The following CDK17 variants were observed in gnomAD, a reference collection of about 807,000 sequenced individuals.
The protein encoded by CDK17 is cyclin dependent kinase 17, also known as cyclin-dependent kinase 17.
In CDK17, 24 loss-of-function variants were observed where a neutral mutation model predicts 77.6. The observed-to-expected ratio is 0.31, with a 90% confidence interval of 0.22 to 0.44. The LOEUF (loss-of-function observed/expected upper bound fraction) is 0.44, where lower values mean the gene tolerates loss of function less well. CDK17 is among the 20% of genes least tolerant of loss of function. The pLI is 1.00. For missense variants in CDK17, 429 were observed against 622.5 expected, an observed-to-expected ratio of 0.69 and a Z score of 3.31; for synonymous variants, 203 against 210.4, an observed-to-expected ratio of 0.96 and a Z score of 0.30.
intron 5 of CDK17, 100 bp from the exon 6 acceptor site, chr12:96,300,460 A>C: frequency 1.5e-6 from 1 of 684,896 alleles, no homozygotes; most frequent in South Asian, 1.8e-5. Context: ...GCAGCGGCAC[A>C]ATCTTGGCTT....
intron 5 of CDK17, among the ~76,000 whole-genome samples, chr12:96,302,234 T>C: frequency 6.6e-6 from 1 of 152,138 alleles, no homozygotes; most frequent in South Asian, 2.1e-4. Flanking sequence ...ACAAGTGAAG[T>C]TTTTAAAATC....
At chr12:96,289,398 G>C in intron 10 of CDK17, 111 bp from the exon 11 acceptor site, 1 of 1,102,004 alleles carries the variant, frequency 9.1e-7, no homozygotes, top group South Asian at 1.4e-5. Flanking sequence ...TTAATTCGTA[G>C]CTTCTTGAGG....
chr12:96,372,883 T>C (rs534359347), intron 1 of CDK17, among the ~76,000 whole-genome samples: 40 of 152,312 alleles, frequency 2.6e-4, no homozygotes, highest in Non-Finnish European at 4.6e-4. Flanking sequence ...ACAGTAATAT[T>C]TGAATTAACC....
chr12:96,391,575 G>A (rs1397267703), intron 1 of CDK17, among the ~76,000 whole-genome samples: 1 of 152,208 alleles, frequency 6.6e-6, no homozygotes, highest in Admixed American at 6.5e-5. Context: ...ACAGGCGTGA[G>A]CCACCGCGGC....
chr12:96,334,448 T>C (rs1202595267), intron 2 of CDK17, among the ~76,000 whole-genome samples: 1 of 152,164 alleles, frequency 6.6e-6, no homozygotes, highest in African/African-American at 2.4e-5. Flanking sequence ...AATGCATTCT[T>C]CTTTAAGAAC....
At chr12:96,335,963 G>C (rs1018418051) in intron 1 of CDK17, among the ~76,000 whole-genome samples, 6 of 152,068 alleles carry the variant, frequency 3.9e-5, no homozygotes, top group Non-Finnish European at 7.4e-5. Context: ...TTACCATCCA[G>C]CTCCAGATAT....
intron 1 of CDK17, among the ~76,000 whole-genome samples, chr12:96,343,445 G>T (rs1490367954): frequency 6.6e-6 from 1 of 152,306 alleles, no homozygotes; most frequent in African/African-American, 2.4e-5. Context: ...TGAATATTTT[G>T]GTCAGTTTGG....
At chr12:96,384,606 A>C (rs1953940938) in intron 1 of CDK17, among the ~76,000 whole-genome samples, 1 of 152,226 alleles carries the variant, frequency 6.6e-6, no homozygotes, top group South Asian at 2.1e-4. Flanking sequence ...TGTTCTTTGC[A>C]GCAACATGGA....
intron 12 of CDK17, 21 bp downstream of exon 12, chr12:96,286,643 G>C: frequency 6.4e-7 from 1 of 1,572,504 alleles, no homozygotes; most frequent in South Asian, 1.1e-5. Context: ...AAAATCACTG[G>C]GAAAAGATTT....
At chr12:96,290,258 G>A (rs1362187479) in intron 10 of CDK17, among the ~76,000 whole-genome samples, 2 of 152,204 alleles carry the variant, frequency 1.3e-5, no homozygotes, top group Non-Finnish European at 2.9e-5. Context: ...AGTCACTAGT[G>A]TGAGAGAGTC....
At chr12:96,388,643 A>G (rs1954014672) in intron 1 of CDK17, among the ~76,000 whole-genome samples, 1 of 152,268 alleles carries the variant, frequency 6.6e-6, no homozygotes, top group African/African-American at 2.4e-5. Context: ...CTTATTTTAT[A>G]AAGAGTTATA....
chr12:96,313,334 C>G lies in CDK17; in HGVS notation c.404G>C (p.Arg135Pro). 1 of 1,581,974 alleles carries G rather than the reference C, an allele frequency of 6.3e-7. No individual in the cohort carries two copies. The highest frequency in any genetic ancestry group is 8.6e-7 in the Non-Finnish European group (1 of 1,168,536). The change falls in exon 4 of 17, where the codon CGG becomes CCG. Residue 135 changes from arginine to proline, a missense_variant. Physicochemically the swap from Arg to Pro is moderately radical, Grantham distance 103. Around this residue, in one of 4 missense-constraint regions of CDK17, gnomAD observed 262 missense variants for 385.4 expected, o/e 0.68. Coordinates refer to ENST00000261211, the MANE Select transcript of CDK17 (RefSeq NM_002595.5). ...TTAAATGATTACCTCCATTGAGATC[C>G]GTCTATGTATACGATTTCTGAGACA... is the stretch of plus-strand genomic sequence containing the variant. Reference protein sequence around the residue: ...GVCLRNRIHRRISMEDLNKRL... With the variant: ...GVCLRNRIHRPISMEDLNKRL...
chr12:96,387,237 T>C (rs1953991485), intron 1 of CDK17: 1 of 237,162 alleles, frequency 4.2e-6, no homozygotes, highest in Non-Finnish European at 8.7e-6. Context: ...GCACACAGCA[T>C]CCAGCAACCA....
At chr12:96,389,548 T>C (rs1423663835) in intron 1 of CDK17, among the ~76,000 whole-genome samples, 1 of 152,136 alleles carries the variant, frequency 6.6e-6, no homozygotes, top group Non-Finnish European at 1.5e-5. Context: ...CACCAACTTA[T>C]GGGCAAAAAT....
chr12:96,285,986 C>A (rs1390681201), intron 13 of CDK17, 57 bp downstream of exon 13: 2 of 853,108 alleles, frequency 2.3e-6, no homozygotes, highest in South Asian at 1.4e-5. Flanking sequence ...GCTAATCCTT[C>A]AAAAGATTGA....
intron 10 of CDK17, among the ~76,000 whole-genome samples, chr12:96,294,576 G>A (rs555970668): frequency 1.1e-4 from 7 of 65,296 alleles, no homozygotes; most frequent in Non-Finnish European, 1.9e-4. Context: ...ACAGCAAAAT[G>A]CTGTCTTCAA....
chr12:96,398,706 G>A (rs564535782), intron 1 of CDK17, among the ~76,000 whole-genome samples: 1 of 152,348 alleles, frequency 6.6e-6, no homozygotes, highest in Non-Finnish European at 1.5e-5. Flanking sequence ...CCTGATAAGT[G>A]ACTGAAGGTC....
chr12:96,301,042 C>A (rs1414983061), intron 5 of CDK17, among the ~76,000 whole-genome samples: 1 of 152,002 alleles, frequency 6.6e-6, no homozygotes, highest in South Asian at 2.1e-4. Flanking sequence ...AATAATTTTC[C>A]TATGTATTTT....
intron 5 of CDK17, among the ~76,000 whole-genome samples, chr12:96,305,265 T>C (rs1952562936): frequency 6.6e-6 from 1 of 152,226 alleles, no homozygotes; most frequent in African/African-American, 2.4e-5. Flanking sequence ...AAATGTAATG[T>C]GGTATCCTGG....
Sources: gnomAD v4.1 joint callset for allele counts (sites outside exome capture counted in the v4.1 genomes callset) on GRCh38, gnomAD v4.1.1 for gene constraint, gnomAD v4.1.1 regional missense constraint, MANE v1.5 for transcripts, NCBI Gene and HGNC (gene_info 2026-07-23, HGNC 2026-07-21) for gene names.